RPS6KC1: variants seen among roughly 807,000 people sequenced by gnomAD.
The protein encoded by RPS6KC1 is ribosomal protein S6 kinase C1.
RPS6KC1 carries 54 observed loss-of-function variants against 103.8 expected under a neutral mutation model. That is an observed-to-expected ratio of 0.52 (90% confidence interval 0.42 to 0.65). The LOEUF (loss-of-function observed/expected upper bound fraction) is 0.65. Among genes scored for constraint, RPS6KC1 ranks in the 30% least tolerant of loss-of-function variants. The pLI, the probability that RPS6KC1 is intolerant of heterozygous loss-of-function variation, is 0.00. For missense variants in RPS6KC1, 1,151 were observed against 1,253.8 expected, an observed-to-expected ratio of 0.92 and a Z score of 1.24; for synonymous variants, 439 against 438.7, an observed-to-expected ratio of 1.00 and a Z score of -0.01.
chr1:213,565,604 A>G, the RPS6KC1 span, among the ~76,000 whole-genome samples: 4 of 152,210 alleles, frequency 2.6e-5, no homozygotes, highest in African/African-American at 9.6e-5. Context: ...TGAAGGGAAT[A>G]GGGATGGATT....
chr1:213,393,811 AAGG>A, the RPS6KC1 span, among the ~76,000 whole-genome samples: 1 of 152,070 alleles, frequency 6.6e-6, no homozygotes, highest in Non-Finnish European at 1.5e-5. Context: ...AAGGGAGGAG[AAGG>A]AGGAGGACCT....
chr1:213,125,229 G>A (rs2084838594), intron 5 of RPS6KC1, among the ~76,000 whole-genome samples: 1 of 151,934 alleles, frequency 6.6e-6, no homozygotes, highest in Non-Finnish European at 1.5e-5. Context: ...TTCTGTGTGT[G>A]TTTGTTTTTA....
At chr1:213,626,761 G>A in the RPS6KC1 span, among the ~76,000 whole-genome samples, 487 of 151,998 alleles carry the variant, frequency 3.2e-3, 3 homozygotes, top group Non-Finnish European at 4.2e-3. Flanking sequence ...ATTTCTGAGG[G>A]CTCTGTTCTG....
chr1:213,291,365 G>A, the RPS6KC1 span, among the ~76,000 whole-genome samples: 1 of 152,136 alleles, frequency 6.6e-6, no homozygotes, highest in Non-Finnish European at 1.5e-5. Flanking sequence ...GCTGCCTCTC[G>A]CACTTTATTT....
chr1:213,106,318 G>A (rs1459108207), intron 4 of RPS6KC1, among the ~76,000 whole-genome samples: 2 of 152,186 alleles, frequency 1.3e-5, no homozygotes, highest in East Asian at 3.8e-4. Flanking sequence ...CAAGAAGTAT[G>A]AATGAGGAAG....
At chr1:213,153,677 A>T (rs1269505840) in intron 6 of RPS6KC1, among the ~76,000 whole-genome samples, 1 of 152,124 alleles carries the variant, frequency 6.6e-6, no homozygotes, top group Non-Finnish European at 1.5e-5. Flanking sequence ...TGAGTTTTGT[A>T]CCTTCAGGTG....
chr1:213,217,136 C>G (rs928584888), intron 8 of RPS6KC1, among the ~76,000 whole-genome samples: 1 of 151,346 alleles, frequency 6.6e-6, no homozygotes, highest in Non-Finnish European at 1.5e-5. Context: ...AAGACTAATA[C>G]AGAAGAAAAG....
chr1:213,810,209 T>TGAG, the RPS6KC1 span, among the ~76,000 whole-genome samples: 1 of 152,128 alleles, frequency 6.6e-6, no homozygotes, highest in Non-Finnish European at 1.5e-5. Flanking sequence ...GAAGCAAGCC[T>TGAG]GAGGAGGAGG....
chr1:213,159,688 C>A (rs1365503116), intron 6 of RPS6KC1, among the ~76,000 whole-genome samples: 1 of 152,160 alleles, frequency 6.6e-6, no homozygotes, highest in East Asian at 1.9e-4. Flanking sequence ...TAAATATTTT[C>A]ATTCATGTGA....
chr1:213,390,526 C>T, the RPS6KC1 span, among the ~76,000 whole-genome samples: 3 of 152,204 alleles, frequency 2.0e-5, no homozygotes, highest in Admixed American at 1.3e-4. Flanking sequence ...AAACAATCAT[C>T]GGACTAAGAG....
intron 8 of RPS6KC1, among the ~76,000 whole-genome samples, chr1:213,213,314 T>C (rs550451522): frequency 6.6e-6 from 1 of 152,262 alleles, no homozygotes; most frequent in African/African-American, 2.4e-5. Flanking sequence ...TTGAAAGGGC[T>C]CTTTGCTCCA....
At chr1:213,181,504 G>T (rs1240750282) in intron 8 of RPS6KC1, among the ~76,000 whole-genome samples, 1 of 152,184 alleles carries the variant, frequency 6.6e-6, no homozygotes. Flanking sequence ...TGTGGAAATT[G>T]CTCAAATTGA....
At chr1:213,392,309 G>C in the RPS6KC1 span, among the ~76,000 whole-genome samples, 1 of 152,074 alleles carries the variant, frequency 6.6e-6, no homozygotes, top group South Asian at 2.1e-4. Context: ...GAAGGCAGGA[G>C]AAATAGTAAC....
At chr1:213,474,073 C>G in the RPS6KC1 span, among the ~76,000 whole-genome samples, 4 of 152,222 alleles carry the variant, frequency 2.6e-5, no homozygotes, top group African/African-American at 9.6e-5. Flanking sequence ...AGCTGGTCTT[C>G]TAGGCTGCGA....
chr1:213,301,186 AGT>A, the RPS6KC1 span, among the ~76,000 whole-genome samples: 1 of 151,952 alleles, frequency 6.6e-6, no homozygotes, highest in Non-Finnish European at 1.5e-5. Flanking sequence ...TCCTGTTTTC[AGT>A]GTCTTTTGTA....
chr1:213,740,339 G>C, the RPS6KC1 span, among the ~76,000 whole-genome samples: 1 of 152,048 alleles, frequency 6.6e-6, no homozygotes, highest in Non-Finnish European at 1.5e-5. Flanking sequence ...TTATGGAACT[G>C]TATAACCAGA....
chr1:213,189,045 C>T (rs1158883362), intron 8 of RPS6KC1, among the ~76,000 whole-genome samples: 1 of 151,980 alleles, frequency 6.6e-6, no homozygotes, highest in Non-Finnish European at 1.5e-5. Context: ...TAGACATAGT[C>T]CCACAAATAT....
the RPS6KC1 span, among the ~76,000 whole-genome samples, chr1:213,577,594 T>A: frequency 1.3e-5 from 2 of 152,106 alleles, no homozygotes; most frequent in Non-Finnish European, 2.9e-5. Context: ...GCTGAGGTGG[T>A]CTCAGATGGA....
the RPS6KC1 span, among the ~76,000 whole-genome samples, chr1:213,592,112 A>G: frequency 6.6e-6 from 1 of 152,252 alleles, no homozygotes; most frequent in Non-Finnish European, 1.5e-5. Context: ...TTCCCATGGT[A>G]TGAAATAATC....
Sources: allele counts gnomAD v4.1 joint callset (sites outside exome capture counted in the v4.1 genomes callset), GRCh38; gene constraint gnomAD v4.1.1; transcripts MANE v1.5; gene names NCBI Gene and HGNC (gene_info 2026-07-23, HGNC 2026-07-21).